Variants in LRRFIP2 observed in about 807,000 individuals in gnomAD.
LRRFIP2 encodes leucine-rich repeat flightless-interacting protein 2.
In LRRFIP2, 109 loss-of-function variants were observed where a neutral mutation model predicts 125.9. The observed-to-expected ratio is 0.87, with a 90% CI of 0.74 to 1.01. LRRFIP2 has a LOEUF of 1.01. Among genes scored for constraint, LRRFIP2 ranks in the 50% least tolerant of loss-of-function variants. The pLI is 0.00. For synonymous variants in LRRFIP2, 291 were observed against 293.1 expected, an observed-to-expected ratio of 0.99 and a Z score of 0.07; for missense variants, 850 against 862.3, an observed-to-expected ratio of 0.99 and a Z score of 0.18.
chr3:37,147,546 T>C (rs1157728272), intron 2 of LRRFIP2, among the ~76,000 whole-genome samples: 1 of 152,192 alleles, frequency 6.6e-6, no homozygotes, highest in Non-Finnish European at 1.5e-5. Context: ...AATAGCCTCC[T>C]ACAGCATTTG....
At chr3:37,126,567 A>G (rs2095280904) in intron 4 of LRRFIP2, among the ~76,000 whole-genome samples, 1 of 151,938 alleles carries the variant, frequency 6.6e-6, no homozygotes, top group African/African-American at 2.4e-5. Flanking sequence ...TTTAAAAAAA[A>G]AAAAGATTTG....
chr3:37,089,624 T>C (rs985734260), intron 18 of LRRFIP2, among the ~76,000 whole-genome samples: 3 of 152,342 alleles, frequency 2.0e-5, no homozygotes, highest in Non-Finnish European at 4.4e-5. Context: ...TCTCATCTGT[T>C]CAAATCTCAA....
At chr3:37,068,311 C>T (rs923936877) in intron 21 of LRRFIP2, 1 of 152,184 alleles carries the variant, frequency 6.6e-6, no homozygotes, top group Non-Finnish European at 1.5e-5. Flanking sequence ...TAAACAACAA[C>T]ACTGAATAAA....
intron 4 of LRRFIP2, among the ~76,000 whole-genome samples, chr3:37,126,889 A>AAAGAAAGG (rs1559966922): frequency 3.3e-5 from 5 of 151,736 alleles, no homozygotes; most frequent in Admixed American, 6.6e-5. Context: ...AGAAAGAAAG[A>AAAGAAAGG]AAGTTGCTTG....
intron 1 of LRRFIP2, among the ~76,000 whole-genome samples, chr3:37,160,098 C>T (rs1353268926): frequency 6.8e-6 from 1 of 148,006 alleles, no homozygotes; most frequent in Non-Finnish European, 1.5e-5. Context: ...TCAGCTTCAA[C>T]TTCATCTCCT....
intron 19 of LRRFIP2, among the ~76,000 whole-genome samples, chr3:37,075,881 A>G (rs1336504461): frequency 6.6e-6 from 1 of 152,132 alleles, no homozygotes; most frequent in African/African-American, 2.4e-5. Context: ...TTCAGGAAAA[A>G]CCCACTTAAA....
chr3:37,142,855 A>C (rs1056954621), intron 2 of LRRFIP2, among the ~76,000 whole-genome samples: 1 of 152,226 alleles, frequency 6.6e-6, no homozygotes, highest in Non-Finnish European at 1.5e-5. Flanking sequence ...GAGTTCAAAA[A>C]AGTAAACATG....
At chr3:37,130,317 T>C (rs1275752522) in intron 2 of LRRFIP2, among the ~76,000 whole-genome samples, 1 of 152,244 alleles carries the variant, frequency 6.6e-6, no homozygotes, top group Non-Finnish European at 1.5e-5. Context: ...GGTTATATGA[T>C]GGACAAATCA....
intron 24 of LRRFIP2, among the ~76,000 whole-genome samples, chr3:37,062,333 ATAG>A (rs1252980947): frequency 6.6e-6 from 1 of 152,236 alleles, no homozygotes; most frequent in African/African-American, 2.4e-5. Flanking sequence ...TGCATGTTAA[ATAG>A]TAGAATCTCA....
At chr3:37,054,761 ATTG>A (rs1242261469) in intron 26 of LRRFIP2, among the ~76,000 whole-genome samples, 1 of 152,236 alleles carries the variant, frequency 6.6e-6, no homozygotes, top group Admixed American at 6.5e-5. Context: ...TTATGACCAT[ATTG>A]TTTAAGTGCC....
At chr3:37,109,437 T>G in intron 11 of LRRFIP2, 90 bp downstream of exon 11, 2 of 1,394,666 alleles carry the variant, frequency 1.4e-6, no homozygotes, top group Non-Finnish European at 2.0e-6. Flanking sequence ...TGTCCTTAAC[T>G]ATTTTGGAGA....
intron 25 of LRRFIP2, among the ~76,000 whole-genome samples, chr3:37,055,602 C>A (rs1400207947): frequency 6.6e-6 from 1 of 152,126 alleles, no homozygotes; most frequent in Non-Finnish European, 1.5e-5. Flanking sequence ...AATGCACACA[C>A]AACAACCACA....
chr3:37,139,663 A>G (rs1232907355), intron 2 of LRRFIP2, among the ~76,000 whole-genome samples: 7 of 151,994 alleles, frequency 4.6e-5, no homozygotes, highest in African/African-American at 1.7e-4. Flanking sequence ...ACTCACACAC[A>G]TACACACCCT....
chr3:37,111,271 A>C (rs1461289100), intron 8 of LRRFIP2, among the ~76,000 whole-genome samples: 1 of 152,184 alleles, frequency 6.6e-6, no homozygotes, highest in Admixed American at 6.5e-5. Flanking sequence ...TAAATTTTTA[A>C]ATTTAAAAAC....
intron 15 of LRRFIP2, among the ~76,000 whole-genome samples, chr3:37,098,686 C>T (rs1341749158): frequency 6.6e-6 from 1 of 152,094 alleles, no homozygotes; most frequent in Admixed American, 6.6e-5. Context: ...AGCCACCATG[C>T]CTGGCCTGAA....
intron 19 of LRRFIP2, among the ~76,000 whole-genome samples, chr3:37,082,290 T>C (rs1453722012): frequency 6.6e-6 from 1 of 152,220 alleles, no homozygotes; most frequent in African/African-American, 2.4e-5. Context: ...TGCTCTTCAA[T>C]GGGCCACTGT....
At chr3:37,076,936 G>A (rs1052976695) in intron 19 of LRRFIP2, among the ~76,000 whole-genome samples, 8 of 151,926 alleles carry the variant, frequency 5.3e-5, no homozygotes, top group African/African-American at 1.7e-4. Context: ...CTACGGAAAC[G>A]GACAGTTTAC....
intron 8 of LRRFIP2, among the ~76,000 whole-genome samples, 168 bp downstream of exon 8, chr3:37,112,747 T>A (rs1282600554): frequency 6.6e-6 from 1 of 152,252 alleles, no homozygotes; most frequent in Non-Finnish European, 1.5e-5. Flanking sequence ...CATATGTTAA[T>A]ACTAAAACTT....
rs62244267 is a variant in LRRFIP2 at position 37,058,567 on chromosome 3, C to T, written c.1870+223G>A. On this transcript the variant is annotated intron_variant, in intron 25 of 27. Coordinates refer to ENST00000336686, the MANE Select transcript of LRRFIP2 (RefSeq NM_006309.4). ...GCAGGCGCCTATAATCCCAGCTACTCAGGAGGCTGAGGCAGGAGAATTACT... is the reference window on the plus strand; with the variant it reads ...GCAGGCGCCTATAATCCCAGCTACTTAGGAGGCTGAGGCAGGAGAATTACT... Among the ~76,000 whole-genome samples the T allele has an allele frequency of 8.0e-3, 1,213 of 151,592 alleles. 10 individuals are homozygous for T. Among genetic ancestry groups the T allele is most frequent in the Non-Finnish European group, 0.013 (885 of 67,982 alleles).
Sources: gnomAD v4.1 joint callset for allele counts (sites outside exome capture counted in the v4.1 genomes callset) on GRCh38, gnomAD v4.1.1 for gene constraint, MANE v1.5 for transcripts, NCBI Gene and HGNC (gene_info 2026-07-23, HGNC 2026-07-21) for gene names.